Variants in RNF130 observed in about 807,000 individuals in gnomAD.
The protein encoded by RNF130 is ring finger protein 130, also known as E3 ubiquitin-protein ligase RNF130.
In RNF130, 21 loss-of-function variants were observed where a neutral mutation model predicts 44.6. The observed-to-expected ratio is 0.47, with a 90% CI of 0.33 to 0.68. The LOEUF is 0.68. RNF130 is among the 30% of genes least tolerant of loss of function. RNF130 has a pLI of 0.02. For synonymous variants in RNF130, 214 were observed against 210.4 expected (o/e 1.02, Z -0.15); for missense variants, 479 against 560.6 (o/e 0.85, Z 1.47).
At chr5:179,989,434 G>A (rs1369181743) in intron 3 of RNF130, among the ~76,000 whole-genome samples, 1 of 152,172 alleles carries the variant, frequency 6.6e-6, no homozygotes, top group African/African-American at 2.4e-5. Flanking sequence ...TGGGTGCTAT[G>A]GTGTTGGGTG....
intron 2 of RNF130, among the ~76,000 whole-genome samples, chr5:180,032,705 T>C (rs1472969000): frequency 6.6e-6 from 1 of 152,242 alleles, no homozygotes; most frequent in African/African-American, 2.4e-5. Context: ...CCTGTCCTTC[T>C]ACCAATACCA....
intron 8 of RNF130, among the ~76,000 whole-genome samples, chr5:179,961,679 A>G (rs1407739181): frequency 6.6e-6 from 1 of 152,194 alleles, no homozygotes; most frequent in Non-Finnish European, 1.5e-5. Context: ...TTGTATTACT[A>G]TCTTGCCTGA....
chr5:180,039,026 C>T (rs1360971310), intron 2 of RNF130, among the ~76,000 whole-genome samples: 1 of 152,126 alleles, frequency 6.6e-6, no homozygotes, highest in Non-Finnish European at 1.5e-5. Flanking sequence ...ACCCTCGAGT[C>T]CTGTGTTTCC....
chr5:179,980,967 G>A (rs994904786), intron 3 of RNF130, among the ~76,000 whole-genome samples: 1 of 152,106 alleles, frequency 6.6e-6, no homozygotes, highest in Non-Finnish European at 1.5e-5. Context: ...AGGGCCAGGT[G>A]GCAGCACAGA....
At position 179,978,229 on chromosome 5, in the gene RNF130, A is replaced by G; in HGVS notation, c.822T>C (p.Asn274=). Reference sequence around the variant, plus strand: ...TGCAGGGGAGAATTCGGACGACATCATTCTGCTTATAGCTCTCTATGCAGA... The same window carrying G: ...TGCAGGGGAGAATTCGGACGACATCGTTCTGCTTATAGCTCTCTATGCAGA... ...CAVCIESYKQ[N]DVVRILPCKH... Residue 274 remains asparagine, a synonymous_variant, in exon 5 of 9, where the codon AAT becomes AAC. Coordinates refer to ENST00000521389, the MANE Select transcript of RNF130 (RefSeq NM_018434.6). The G allele has an allele frequency of 6.2e-7, 1 of 1,614,050 alleles. No individual in the cohort carries two copies. The highest frequency in any genetic ancestry group is 8.5e-7 in the Non-Finnish European group (1 of 1,179,870).
intron 3 of RNF130, among the ~76,000 whole-genome samples, chr5:179,984,509 T>C (rs753457493): frequency 1.3e-5 from 2 of 152,212 alleles, no homozygotes; most frequent in Non-Finnish European, 2.9e-5. Flanking sequence ...ATTGAGATCA[T>C]ACAGTTTTAG....
intron 3 of RNF130, among the ~76,000 whole-genome samples, chr5:179,986,463 C>T (rs1017310621): frequency 2.0e-5 from 3 of 152,210 alleles, no homozygotes; most frequent in Non-Finnish European, 4.4e-5. Flanking sequence ...GCACTAAACA[C>T]ATTGAAAACT....
At chr5:180,070,050 C>T (rs1052114871) in intron 1 of RNF130, among the ~76,000 whole-genome samples, 1 of 152,174 alleles carries the variant, frequency 6.6e-6, no homozygotes, top group Non-Finnish European at 1.5e-5. Flanking sequence ...AGAGGACCAG[C>T]TCTTGCTCCA....
At chr5:180,059,569 G>C (rs1439543329) in intron 1 of RNF130, among the ~76,000 whole-genome samples, 2 of 152,186 alleles carry the variant, frequency 1.3e-5, no homozygotes, top group African/African-American at 2.4e-5. Flanking sequence ...AGATGAATTA[G>C]TCTGCTGATA....
chr5:180,051,399 G>C (rs1434444854), intron 1 of RNF130, among the ~76,000 whole-genome samples: 2 of 151,900 alleles, frequency 1.3e-5, no homozygotes, highest in Admixed American at 6.6e-5. Flanking sequence ...ACAGGTGCCC[G>C]CCATCACACC....
rs1024050451 is a variant in RNF130, at chr5:180,020,745, G to A, written c.443-7434C>T. On this transcript the variant is annotated intron_variant, in intron 2 of 8. Transcript: ENST00000521389. Reference sequence around the variant, plus strand: ...GAGAAAGAAAAGGGGGCAGGAGCAAGCACCTGCCCAGAACAGAAAGCTTTC... The same window carrying A: ...GAGAAAGAAAAGGGGGCAGGAGCAAACACCTGCCCAGAACAGAAAGCTTTC... Among the ~76,000 whole-genome samples, 5 of 152,166 alleles carry A rather than the reference G, an allele frequency of 3.3e-5. No individual in the cohort carries two copies. The East Asian group carries it at 7.7e-4, about 23-fold the overall frequency.
intron 7 of RNF130, among the ~76,000 whole-genome samples, chr5:179,924,778 G>A (rs895674315): frequency 5.9e-5 from 9 of 152,134 alleles, no homozygotes; most frequent in African/African-American, 2.2e-4. Flanking sequence ...GACAGAGTGA[G>A]GCTATCTCAA....
intron 2 of RNF130, among the ~76,000 whole-genome samples, chr5:180,028,940 A>G (rs1404046307): frequency 2.0e-5 from 3 of 152,236 alleles, no homozygotes; most frequent in African/African-American, 7.2e-5. Flanking sequence ...TATTCCAGGC[A>G]TAAGAAAAAT....
chr5:179,954,349 C>T (rs1762169612), downstream of RNF130, among the ~76,000 whole-genome samples: 1 of 152,174 alleles, frequency 6.6e-6, no homozygotes, highest in Non-Finnish European at 1.5e-5. Flanking sequence ...GTCAAGCGTC[C>T]ATCAGCAGAA....
intron 3 of RNF130, among the ~76,000 whole-genome samples, chr5:180,004,421 A>C (rs1353492405): frequency 1.3e-5 from 2 of 152,252 alleles, no homozygotes; most frequent in African/African-American, 4.8e-5. Flanking sequence ...CCCCAGAAAG[A>C]GATGAGGAGA....
chr5:180,001,181 T>G (rs955543961), intron 3 of RNF130, among the ~76,000 whole-genome samples: 1 of 152,214 alleles, frequency 6.6e-6, no homozygotes, highest in Non-Finnish European at 1.5e-5. Flanking sequence ...AAGCTGTGGA[T>G]GTCTGCTGCA....
exon 8 of RNF130, chr5:179,913,101 C>T (rs1761489538): frequency 6.6e-6 from 1 of 152,322 alleles, no homozygotes; most frequent in Admixed American, 6.5e-5. Context: ...AGACTGCTCA[C>T]CACATGCCCT....
chr5:179,951,342 C>T (rs1762120896), downstream of RNF130, among the ~76,000 whole-genome samples: 1 of 151,676 alleles, frequency 6.6e-6, no homozygotes, highest in Admixed American at 6.6e-5. Context: ...CTAGACCTAA[C>T]ACACGTCTAC....
At chr5:180,028,723 T>C (rs1211965003) in intron 2 of RNF130, among the ~76,000 whole-genome samples, 1 of 152,176 alleles carries the variant, frequency 6.6e-6, no homozygotes, top group Non-Finnish European at 1.5e-5. Context: ...ATCCCTACAG[T>C]GTCCATCACA....
Sources: allele counts gnomAD v4.1 joint callset (sites outside exome capture counted in the v4.1 genomes callset), GRCh38; gene constraint gnomAD v4.1.1; transcripts MANE v1.5; gene names NCBI Gene and HGNC (gene_info 2026-07-23, HGNC 2026-07-21).